Variants in ZNF765 observed in about 807,000 individuals in gnomAD.
ZNF765 encodes the protein zinc finger protein 765.
Under a neutral mutation model 44.7 loss-of-function variants are expected in ZNF765, and 37 were observed. The observed-to-expected ratio is 0.83, with a 90% CI of 0.64 to 1.09. ZNF765 has a LOEUF of 1.09. ZNF765 is among the 50% of genes least tolerant of loss of function. The pLI is 0.00. For synonymous variants in ZNF765, 201 were observed against 213.7 expected, an observed-to-expected ratio of 0.94 and a Z score of 0.52; for missense variants, 594 against 626.1, an observed-to-expected ratio of 0.95 and a Z score of 0.55.
exon 4 of ZNF765, chr19:53,424,277 T>C (rs58442027): frequency 0.12 from 16,287 of 133,318 alleles, 978 homozygotes; most frequent in South Asian, 0.2. Context: ...TGGAGAAACC[T>C]CATCTCTACT....
chr19:53,422,745 C>G (rs2085914706), intron 3 of ZNF765, among the ~76,000 whole-genome samples: 1 of 152,056 alleles, frequency 6.6e-6, no homozygotes, highest in Non-Finnish European at 1.5e-5. Flanking sequence ...ATCACGTTCC[C>G]TGCAGGATCC....
chr19:53,412,799 A>C (rs370929402), downstream of ZNF765, among the ~76,000 whole-genome samples: 16 of 152,218 alleles, frequency 1.1e-4, no homozygotes, highest in East Asian at 1.6e-3. Flanking sequence ...GATTACAGGC[A>C]TGAGCCACTG....
Position 53,417,599 on chromosome 19 carries a change from C to T in ZNF765, c.143-5463C>T, listed in dbSNP as rs180946794. Among the ~76,000 whole-genome samples the T allele has an allele frequency of 1.3e-4, 20 of 152,266 alleles. No homozygotes were observed. In the East Asian group the frequency reaches 3.3e-3, roughly 25 times the overall value. The stretch of plus-strand genomic sequence containing the variant: ...GCTGCAACGAACATACACGTGCATG[C>T]GTCTTTACAATAGAACAATTTATAT... On this transcript the variant is annotated intron_variant, in intron 3 of 3. Coordinates refer to the ZNF765 transcript ENST00000594030.
chr19:53,400,783 T>TATATATATATATATATACAC (rs10664389), intron 2 of ZNF765, among the ~76,000 whole-genome samples: 38 of 126,766 alleles, frequency 3.0e-4, no homozygotes, highest in Admixed American at 4.8e-4. Flanking sequence ...TATATATATA[T>TATATATATATATATATACAC]ACACACATAC....
chr19:53,398,135 T>C, intron 2 of ZNF765, 105 bp downstream of exon 2: 1 of 1,588,446 alleles, frequency 6.3e-7, no homozygotes, highest in African/African-American at 1.3e-5. Flanking sequence ...CCTGACAGGT[T>C]TGCTCGCACT....
intron 2 of ZNF765, among the ~76,000 whole-genome samples, chr19:53,400,189 T>C (rs761312347): frequency 5.3e-5 from 8 of 152,206 alleles, no homozygotes; most frequent in Non-Finnish European, 1.0e-4. Flanking sequence ...TGTTGTTTTC[T>C]TTGTGCTCCA....
At chr19:53,412,431 G>C (rs1247219456), downstream of ZNF765, among the ~76,000 whole-genome samples, 1 of 152,034 alleles carries the variant, frequency 6.6e-6, no homozygotes. Flanking sequence ...CTAGTACAAG[G>C]GATCTTGATG....
chr19:53,397,696 G>C (rs951141287), intron 1 of ZNF765, among the ~76,000 whole-genome samples: 2 of 151,944 alleles, frequency 1.3e-5, no homozygotes, highest in Non-Finnish European at 2.9e-5. Flanking sequence ...ATGAGGTTTG[G>C]TCAGGCCTGG....
intron 2 of ZNF765, among the ~76,000 whole-genome samples, chr19:53,400,778 A>ATATATATATATATATATATATATC (rs2085717299): frequency 1.0e-5 from 1 of 95,306 alleles, no homozygotes; most frequent in Non-Finnish European, 2.2e-5. Flanking sequence ...ATATATATAT[A>ATATATATATATATATATATATATC]TATATACACA....
intron 3 of ZNF765, among the ~76,000 whole-genome samples, chr19:53,406,120 C>A (rs2085773884): frequency 6.7e-6 from 1 of 150,288 alleles, no homozygotes; most frequent in Admixed American, 6.7e-5. Context: ...CCTCCACCTC[C>A]TGGGTTCAAA....
rs2085815144 is a variant in ZNF765, at chr19:53,409,681, A to G, written c.*554A>G. 3.7e-6 allele frequency: 4 copies of G among 1,078,456 alleles called. No individual in the cohort carries two copies. The highest frequency in any genetic ancestry group is 1.7e-5 in the Admixed American group (1 of 58,182). The allele number at this position is 1,078,456 out of a possible 1,614,324, so 66.8% of individuals were successfully genotyped here. A position where few individuals can be genotyped will look rare whatever the true frequency, so the allele number is the denominator to read the frequency against. On this transcript the variant is annotated 3_prime_UTR_variant, in exon 4 of 4. Coordinates refer to ENST00000396408, the MANE Select transcript of ZNF765 (RefSeq NM_001040185.3). ...TACCTTACACGCCATCGTAGACTTC[A>G]TACTGGAGGATACCTTACAAATGTA...
At chr19:53,427,267 G>C (rs1476816129) in exon 4 of ZNF765, 1 of 142,804 alleles carries the variant, frequency 7.0e-6, no homozygotes, top group Non-Finnish European at 1.5e-5. Context: ...AAATTAAAAA[G>C]AATTTTAATT....
chr19:53,403,854 AC>A lies in ZNF765; in HGVS notation c.142+1664del, dbSNP rs1300664315. Among the ~76,000 whole-genome samples, 1,013 of 144,132 alleles carry A rather than the reference AC, an allele frequency of 7.0e-3. 12 individuals are homozygous for A. The highest frequency in any genetic ancestry group is 0.025 in the African/African-American group (947 of 38,560). The allele number at this position is 144,132 out of a possible 152,430, so 94.6% of individuals were successfully genotyped here. A position where few individuals can be genotyped will look rare whatever the true frequency, so the allele number is the denominator to read the frequency against. ...GAGACTCTGTCTCAAAAAAAAAAAA[AC>A]AACAACAACAAAATTCCATAACCTG... On this transcript the variant is annotated intron_variant, in intron 3 of 3. Coordinates refer to ENST00000396408, the MANE Select transcript of ZNF765 (RefSeq NM_001040185.3).
chr19:53,398,311 G>A (rs1456669747), intron 2 of ZNF765, among the ~76,000 whole-genome samples: 4 of 152,180 alleles, frequency 2.6e-5, no homozygotes, highest in Non-Finnish European at 4.4e-5. Context: ...GTGCTGTTGG[G>A]CAGCAGGGAT....
At chr19:53,415,552 C>A (rs564398158), downstream of ZNF765, among the ~76,000 whole-genome samples, 1 of 132,084 alleles carries the variant, frequency 7.6e-6, no homozygotes, top group Non-Finnish European at 1.6e-5. Flanking sequence ...TATTTTATTA[C>A]GTTTGTTGAG....
chr19:53,410,738 G>A lies in ZNF765; in HGVS notation c.*1611G>A, dbSNP rs1297725145. On this transcript the variant is annotated 3_prime_UTR_variant, in exon 4 of 4. Transcript: ENST00000396408. ...TAACTTGCAGTTCATCGGCGAACTC[G>A]TACTGGAGAGAAACCTTACAAATGT... is the stretch of plus-strand genomic sequence containing the variant. 9.3e-6 allele frequency: 4 copies of A among 429,136 alleles called. No individual in the cohort carries two copies. Among genetic ancestry groups the A allele is most frequent in the African/African-American group, 2.0e-5 (1 of 48,882 alleles). The allele number at this position is 429,136 out of a possible 1,614,324, so 26.6% of individuals were successfully genotyped here.
chr19:53,414,435 C>A (rs767107608), downstream of ZNF765, among the ~76,000 whole-genome samples: 652 of 37,586 alleles, frequency 0.017, 8 homozygotes, highest in Non-Finnish European at 0.022. Flanking sequence ...ACCCTCCCCA[C>A]CACACACACA....
At chr19:53,406,535 A>G (rs1002974950) in intron 3 of ZNF765, among the ~76,000 whole-genome samples, 4 of 152,294 alleles carry the variant, frequency 2.6e-5, no homozygotes, top group African/African-American at 9.6e-5. Context: ...ATGGGTTACA[A>G]TATTTTACTA....
Position 53,409,170 on chromosome 19 carries a change from C to T in ZNF765, c.*43C>T, listed in dbSNP as rs748491842. The T allele has an allele frequency of 6.7e-7, 1 of 1,501,376 alleles. No homozygotes were observed. Among genetic ancestry groups the T allele is most frequent in the African/African-American group, 1.4e-5 (1 of 72,482 alleles). 93.0% of individuals were successfully genotyped at this position (1,501,376 alleles called of 1,614,324 possible). The stretch of plus-strand genomic sequence containing the variant: ...TCAATCAGGAGTTAACCCTTACATG[C>T]CATCGTAGGCTTCATAGTGGAGAGA... On this transcript the variant is annotated 3_prime_UTR_variant, in exon 4 of 4. Transcript: ENST00000396408.
Sources: allele counts gnomAD v4.1 joint callset (sites outside exome capture counted in the v4.1 genomes callset), GRCh38; gene constraint gnomAD v4.1.1; transcripts MANE v1.5; gene names NCBI Gene and HGNC (gene_info 2026-07-23, HGNC 2026-07-21).